CECR2: variants seen among roughly 807,000 people sequenced by gnomAD.
CECR2 encodes chromatin remodeling regulator CECR2.
A neutral mutation model predicts 154.5 loss-of-function variants in CECR2; 30 were observed. That is an observed-to-expected ratio of 0.19 (90% CI 0.15 to 0.26). CECR2 has a LOEUF of 0.26. CECR2 is among the 10% of genes least tolerant of loss of function. The pLI, the probability that CECR2 is intolerant of heterozygous loss-of-function variation, is 1.00. For missense variants in CECR2, 1,743 were observed against 1,829.3 expected (o/e 0.95, Z 0.86); for synonymous variants, 725 against 683.7 (o/e 1.06, Z -0.94).
At chr22:17,369,451 C>A (rs1325368273), upstream of CECR2, 1 of 151,200 alleles carries the variant, frequency 6.6e-6, no homozygotes, top group Non-Finnish European at 1.5e-5. Flanking sequence ...CCCCTCCGCC[C>A]CTAGCCCCAT....
chr22:17,517,098 C>T (rs2056071567), intron 8 of CECR2, among the ~76,000 whole-genome samples: 1 of 151,180 alleles, frequency 6.6e-6, no homozygotes, highest in Non-Finnish European at 1.5e-5. Context: ...AGGCTGGTCT[C>T]GAACTCCTGA....
At chr22:17,382,819 C>T (rs567053345) in intron 1 of CECR2, among the ~76,000 whole-genome samples, 126 of 152,170 alleles carry the variant, frequency 8.3e-4, no homozygotes, top group African/African-American at 2.9e-3. Context: ...ATGGGAGGAT[C>T]GCTTGAGTCC....
chr22:17,526,600 A>G (rs1450612876), intron 9 of CECR2, among the ~76,000 whole-genome samples: 1 of 151,886 alleles, frequency 6.6e-6, no homozygotes, highest in Non-Finnish European at 1.5e-5. Context: ...TACAAGGTCA[A>G]GAGTTCAAGG....
intron 1 of CECR2, among the ~76,000 whole-genome samples, chr22:17,447,147 G>C (rs2146685530): frequency 6.7e-6 from 1 of 148,550 alleles, no homozygotes. Flanking sequence ...CCATTCTCCT[G>C]CCTCAGCCTC....
At chr22:17,381,863 G>A (rs1009869055) in intron 1 of CECR2, among the ~76,000 whole-genome samples, 1 of 151,630 alleles carries the variant, frequency 6.6e-6, no homozygotes, top group Non-Finnish European at 1.5e-5. Context: ...AGTGTAGTTA[G>A]CTAGGTCAGA....
intron 1 of CECR2, among the ~76,000 whole-genome samples, chr22:17,445,721 T>C (rs905553929): frequency 6.6e-6 from 1 of 151,706 alleles, no homozygotes; most frequent in Non-Finnish European, 1.5e-5. Flanking sequence ...GCCTCCTGAG[T>C]AGCTAGGATT....
intron 1 of CECR2, among the ~76,000 whole-genome samples, chr22:17,404,983 T>TAG (rs1354901939): frequency 6.6e-6 from 1 of 152,066 alleles, no homozygotes; most frequent in African/African-American, 2.4e-5. Context: ...TGATGGTACC[T>TAG]CTCTCTCTCT....
Position 17,395,785 on chromosome 22 carries a change from T to C in CECR2, c.126+25876T>C, listed in dbSNP as rs182311266. Among the ~76,000 whole-genome samples, 22 of 152,310 alleles carry C rather than the reference T, an allele frequency of 1.4e-4. 1 individual carries two copies. Among genetic ancestry groups the C allele is most frequent in the Admixed American group, 1.4e-3 (22 of 15,290 alleles). On this transcript the variant is annotated intron_variant, in intron 1 of 18. Transcript: ENST00000262608. ...TCCAATTCCAGATTTTTTTCCCTTA[T>C]CACAAAAAGTTCATCATGGTTTTTA...
At position 17,369,547 on chromosome 22, in the gene CECR2, C is replaced by T. The variant is rs1413336562; in HGVS notation, c.-237C>T. On this transcript the variant is annotated 5_prime_UTR_variant, in exon 1 of 19. Coordinates refer to ENST00000262608, the MANE Select transcript of CECR2 (RefSeq NM_001290047.2). ...CCGCGGGATGGGGCGAGCGCGCGGA[C>T]CCCGCGGGCAGCCGCAGCCGCAGCC... The T allele has an allele frequency of 6.7e-6, 1 of 148,248 alleles. No individual in the cohort carries two copies. Among genetic ancestry groups the T allele is most frequent in the Non-Finnish European group, 1.5e-5 (1 of 66,516 alleles). The allele number at this position is 148,248 out of a possible 1,614,324, so 9.2% of individuals were successfully genotyped here. A position where few individuals can be genotyped will look rare whatever the true frequency, so the allele number is the denominator to read the frequency against.
At chr22:17,545,705 CAGT>C (rs2056602923) in intron 16 of CECR2, among the ~76,000 whole-genome samples, 1 of 151,416 alleles carries the variant, frequency 6.6e-6, no homozygotes, top group African/African-American at 2.4e-5. Flanking sequence ...CAGCCGGGAA[CAGT>C]GGTGGGTGCC....
chr22:17,475,618 A>T lies in CECR2; in HGVS notation c.127-1970A>T, dbSNP rs75453145. Among the ~76,000 whole-genome samples the T allele has an allele frequency of 0.011, 1,689 of 152,188 alleles. 67 individuals are homozygous for T. In the East Asian group the frequency reaches 0.16, roughly 14 times the overall value. On this transcript the variant is annotated intron_variant, in intron 1 of 18. Coordinates refer to ENST00000262608, the MANE Select transcript of CECR2 (RefSeq NM_001290047.2). ...AGTTTCTACATCTTTAAATTGAGAGAATGGAAATACGTGATCTGTAGTTTC... is the reference window on the plus strand; with the variant it reads ...AGTTTCTACATCTTTAAATTGAGAGTATGGAAATACGTGATCTGTAGTTTC...
intron 9 of CECR2, among the ~76,000 whole-genome samples, chr22:17,532,732 T>TTTTTTTTTTTTTTTTTTTTTC: frequency 9.4e-6 from 1 of 106,570 alleles, no homozygotes; most frequent in Non-Finnish European, 1.9e-5. Flanking sequence ...TTTTTTTTTT[T>TTTTTTTTTTTTTTTTTTTTTC]TTTGAGATGG....
chr22:17,426,865 A>G (rs4819587), intron 1 of CECR2, among the ~76,000 whole-genome samples: 50,435 of 151,820 alleles, frequency 0.33, 8,710 homozygotes, highest in African/African-American at 0.43. Context: ...GGGGAACACA[A>G]ATTTTTTTTT....
intron 2 of CECR2, among the ~76,000 whole-genome samples, chr22:17,496,602 A>G (rs1187892529): frequency 6.6e-6 from 1 of 152,222 alleles, no homozygotes; most frequent in Non-Finnish European, 1.5e-5. Context: ...ATAGTTGCAT[A>G]TCAGTGTAGC....
intron 1 of CECR2, among the ~76,000 whole-genome samples, chr22:17,466,378 C>T (rs2055032403): frequency 6.6e-6 from 1 of 152,176 alleles, no homozygotes; most frequent in Non-Finnish European, 1.5e-5. Flanking sequence ...GAATGAGCAT[C>T]TTAGAAGAAA....
intron 2 of CECR2, among the ~76,000 whole-genome samples, chr22:17,481,006 C>T (rs2055302025): frequency 6.9e-6 from 1 of 143,906 alleles, no homozygotes; most frequent in Non-Finnish European, 1.5e-5. Context: ...CACCATTGCA[C>T]TCCAGCGTGG....
In CECR2 at chr22:17,499,342, C is replaced by G. The variant is rs182442932; in HGVS notation, c.406-68C>G. The G allele has an allele frequency of 7.8e-5, 121 of 1,549,834 alleles. No homozygotes were observed. In the Middle Eastern group the frequency reaches 2.5e-3, roughly 32 times the overall value. On this transcript the variant is annotated intron_variant, in intron 3 of 18. Transcript: ENST00000262608. ...TGCTTACGTGTAAATTTGGAATCCT[C>G]GTTCTGGTTTTTTCCTGGTGCGTTT...
intron 2 of CECR2, among the ~76,000 whole-genome samples, chr22:17,483,160 G>A (rs1308151821): frequency 3.9e-5 from 6 of 152,244 alleles, no homozygotes; most frequent in Admixed American, 3.9e-4. Flanking sequence ...TCCTGACCCT[G>A]TGTCGGCCTA....
chr22:17,387,830 A>G (rs1210398209), intron 1 of CECR2, among the ~76,000 whole-genome samples: 2 of 152,182 alleles, frequency 1.3e-5, no homozygotes, highest in African/African-American at 4.8e-5. Flanking sequence ...GTTGTTTACT[A>G]TCATGACAAC....
Sources: allele counts gnomAD v4.1 joint callset (sites outside exome capture counted in the v4.1 genomes callset), GRCh38; gene constraint gnomAD v4.1.1; transcripts MANE v1.5; gene names NCBI Gene and HGNC (gene_info 2026-07-23, HGNC 2026-07-21).